Variants in TMEM131L observed in about 807,000 individuals in gnomAD.
TMEM131L encodes the protein transmembrane protein 131-like.
TMEM131L carries 54 observed loss-of-function variants against 192.2 expected under a neutral mutation model. That is an observed-to-expected ratio of 0.28 (90% CI 0.23 to 0.35). The LOEUF is 0.35. Ranked by LOEUF, TMEM131L falls within the 10% of genes least tolerant of loss-of-function variation. TMEM131L has a pLI of 1.00. For missense variants in TMEM131L, 1,888 were observed against 1,972.9 expected, an observed-to-expected ratio of 0.96 and a Z score of 0.82; for synonymous variants, 701 against 704.9, an observed-to-expected ratio of 0.99 and a Z score of 0.09.
chr4:153,544,945 T>C (rs183092923), intron 3 of TMEM131L, among the ~76,000 whole-genome samples: 47 of 152,316 alleles, frequency 3.1e-4, no homozygotes, highest in African/African-American at 1.1e-3. Context: ...CCTCTCACTC[T>C]GGGGAGATGA....
chr4:153,494,819 C>G (rs1419596750), intron 3 of TMEM131L, among the ~76,000 whole-genome samples: 4 of 152,158 alleles, frequency 2.6e-5, no homozygotes, highest in African/African-American at 9.7e-5. Context: ...GCCTCAGCAC[C>G]AGTGGGCTTG....
chr4:153,584,467 T>G (rs1412155197), intron 11 of TMEM131L, among the ~76,000 whole-genome samples: 1 of 152,240 alleles, frequency 6.6e-6, no homozygotes, highest in Non-Finnish European at 1.5e-5. Flanking sequence ...AAAAGTATTA[T>G]TTTGATCAAT....
In TMEM131L at chr4:153,623,101, C is replaced by G. The variant is rs1191599651; in HGVS notation, c.4045+18C>G. 4 of 1,559,654 alleles carry G rather than the reference C, an allele frequency of 2.6e-6. No homozygotes were observed. The highest frequency in any genetic ancestry group is 3.5e-6 in the Non-Finnish European group (4 of 1,157,430). On this transcript the variant is annotated intron_variant, in intron 29 of 34. Transcript: ENST00000409959. ...GCCGGCCGGTGAGTCCTGAGCAGAGCCCCAGGCACTCTCGGTGGCCCTTCC... is the reference window on the plus strand; with the variant it reads ...GCCGGCCGGTGAGTCCTGAGCAGAGGCCCAGGCACTCTCGGTGGCCCTTCC...
intron 3 of TMEM131L, among the ~76,000 whole-genome samples, chr4:153,488,591 TGTG>T (rs1345061717): frequency 1.3e-5 from 2 of 152,270 alleles, no homozygotes; most frequent in African/African-American, 2.4e-5. Flanking sequence ...GCGGCTCTGT[TGTG>T]GTGGAGTGGG....
chr4:153,512,544 C>T (rs1472028143), intron 3 of TMEM131L, among the ~76,000 whole-genome samples: 1 of 152,178 alleles, frequency 6.6e-6, no homozygotes. Flanking sequence ...TTTCTAAGAT[C>T]ACTTTTACAG....
chr4:153,474,171 T>A (rs898320971), intron 3 of TMEM131L, among the ~76,000 whole-genome samples: 2 of 152,222 alleles, frequency 1.3e-5, no homozygotes, highest in African/African-American at 4.8e-5. Context: ...TATAAACATC[T>A]ATTGAGTGCC....
intron 20 of TMEM131L, 120 bp downstream of exon 20, chr4:153,596,505 G>A (rs1020469445): frequency 4.8e-6 from 6 of 1,242,838 alleles, no homozygotes; most frequent in Middle Eastern, 2.3e-4. Flanking sequence ...GCTGTGTTGC[G>A]GGGTAGGAAG....
intron 27 of TMEM131L, among the ~76,000 whole-genome samples, chr4:153,621,471 C>A (rs1345862297): frequency 6.6e-6 from 1 of 152,168 alleles, no homozygotes; most frequent in African/African-American, 2.4e-5. Flanking sequence ...GGAAACCTTG[C>A]TTCTTTGAGA....
At chr4:153,535,631 A>C (rs1736258714) in intron 3 of TMEM131L, among the ~76,000 whole-genome samples, 1 of 152,164 alleles carries the variant, frequency 6.6e-6, no homozygotes, top group Non-Finnish European at 1.5e-5. Flanking sequence ...TGCTGTTTGA[A>C]TCAAAAAAAG....
intron 3 of TMEM131L, among the ~76,000 whole-genome samples, chr4:153,530,815 G>A (rs1023802965): frequency 3.9e-5 from 6 of 152,134 alleles, no homozygotes; most frequent in African/African-American, 1.4e-4. Flanking sequence ...GCTTCCTGAG[G>A]CCCCCCCACT....
Position 153,587,775 on chromosome 4 carries a change from T to G in TMEM131L, c.1516T>G (p.Cys506Gly). Residue 506 changes from cysteine (C) to glycine (G), a missense_variant, in exon 15 of 35, where the codon TGT (cysteine) becomes GGT (glycine). Transcript: ENST00000409959. ...TCTGGGTTTTGAAGTGATAGCACATTGTGGCATGCATTATTTCATGGGAAA... is the reference window on the plus strand; with the variant it reads ...TCTGGGTTTTGAAGTGATAGCACATGGTGGCATGCATTATTTCATGGGAAA... ...GSLGFEVIAH[C>G]GMHYFMGKSK... 1 of 1,613,668 alleles carries G rather than the reference T, an allele frequency of 6.2e-7. No homozygotes were observed. The highest frequency in any genetic ancestry group is 8.5e-7 in the Non-Finnish European group (1 of 1,179,574).
chr4:153,568,292 CA>C (rs897965604), intron 7 of TMEM131L, among the ~76,000 whole-genome samples: 62 of 152,170 alleles, frequency 4.1e-4, no homozygotes, highest in African/African-American at 1.3e-3. Flanking sequence ...TCCCTCCCCT[CA>C]CTTTTGTTTC....
At chr4:153,607,130 G>A (rs1369390837) in intron 25 of TMEM131L, among the ~76,000 whole-genome samples, 2 of 152,172 alleles carry the variant, frequency 1.3e-5, no homozygotes, top group East Asian at 3.8e-4. Context: ...TGAAGGGAGG[G>A]TTTGGAGTTT....
intron 3 of TMEM131L, among the ~76,000 whole-genome samples, chr4:153,547,884 G>T (rs1473118803): frequency 2.0e-5 from 3 of 152,258 alleles, no homozygotes; most frequent in African/African-American, 7.2e-5. Flanking sequence ...ATCTGTTCAT[G>T]TGGAGGTTGT....
At chr4:153,610,087 C>T (rs1010438413) in intron 25 of TMEM131L, among the ~76,000 whole-genome samples, 2 of 152,172 alleles carry the variant, frequency 1.3e-5, no homozygotes, top group Non-Finnish European at 2.9e-5. Context: ...GATGATTCCA[C>T]AGGGCTGCTG....
intron 3 of TMEM131L, among the ~76,000 whole-genome samples, chr4:153,494,995 C>T (rs973272603): frequency 1.3e-5 from 2 of 152,168 alleles, no homozygotes; most frequent in Admixed American, 6.5e-5. Flanking sequence ...CCCAAAATAT[C>T]TGAGACAGAT....
intron 3 of TMEM131L, among the ~76,000 whole-genome samples, chr4:153,488,841 T>G (rs1732555061): frequency 6.6e-6 from 1 of 152,126 alleles, no homozygotes; most frequent in Admixed American, 6.5e-5. Flanking sequence ...TTTCCTAGCT[T>G]CTGCGGGCTC....
intron 3 of TMEM131L, among the ~76,000 whole-genome samples, chr4:153,478,465 T>C (rs1731703511): frequency 6.6e-6 from 1 of 152,220 alleles, no homozygotes; most frequent in Non-Finnish European, 1.5e-5. Context: ...ACGTCCTGTA[T>C]ACCCCTCACC....
At position 153,594,021 on chromosome 4, in the gene TMEM131L, A is replaced by G. The variant is rs138300254; in HGVS notation, c.1995+150A>G. The G allele has an allele frequency of 1.6e-3, 1,007 of 616,564 alleles. 11 individuals are homozygous for G. Among genetic ancestry groups the G allele is most frequent in the South Asian group, 0.011 (574 of 50,440 alleles). 38.2% of individuals were successfully genotyped at this position (616,564 alleles called of 1,614,324 possible). A position where few individuals can be genotyped will look rare whatever the true frequency, so the allele number is the denominator to read the frequency against. On this transcript the variant is annotated intron_variant, in intron 19 of 34. Coordinates refer to ENST00000409959, the MANE Select transcript of TMEM131L (RefSeq NM_001131007.2). ...TCTGGGCATTAACGATACATAGCAG[A>G]TTTTTCCAGTTAACTAGTGCGGTAG...
Sources: gnomAD v4.1 joint callset for allele counts (sites outside exome capture counted in the v4.1 genomes callset) on GRCh38, gnomAD v4.1.1 for gene constraint, MANE v1.5 for transcripts, NCBI Gene and HGNC (gene_info 2026-07-23, HGNC 2026-07-21) for gene names.